The following CNTNAP2 variants were observed in gnomAD, a reference collection of about 807,000 sequenced individuals.
CNTNAP2 encodes the protein contactin associated protein 2.
A neutral mutation model predicts 155.2 loss-of-function variants in CNTNAP2; 98 were observed. The observed-to-expected ratio is 0.63, with a 90% CI of 0.54 to 0.75. CNTNAP2 has a LOEUF of 0.75. Ranked by LOEUF, CNTNAP2 falls within the 30% of genes least tolerant of loss-of-function variation. The probability of loss-of-function intolerance (pLI) is 0.00; values close to 1 mark genes in which losing one functional copy is unlikely to be tolerated. For synonymous variants in CNTNAP2, 651 were observed against 631.2 expected, an observed-to-expected ratio of 1.03 and a Z score of -0.47; for missense variants, 1,727 against 1,688.1, an observed-to-expected ratio of 1.02 and a Z score of -0.40.
chr7:146,937,215 G>A (rs901957134), intron 3 of CNTNAP2, among the ~76,000 whole-genome samples: 4 of 151,570 alleles, frequency 2.6e-5, no homozygotes, highest in South Asian at 4.2e-4. Context: ...GTGAAACCCC[G>A]TCTCTACTTA....
At chr7:146,801,252 C>G (rs1376289935) in intron 2 of CNTNAP2, among the ~76,000 whole-genome samples, 2 of 152,068 alleles carry the variant, frequency 1.3e-5, no homozygotes, top group Non-Finnish European at 2.9e-5. Context: ...AGAACTCACT[C>G]AGTACCAAGA....
intron 1 of CNTNAP2, among the ~76,000 whole-genome samples, chr7:146,676,048 T>C (rs1303303339): frequency 6.6e-6 from 1 of 152,178 alleles, no homozygotes; most frequent in African/African-American, 2.4e-5. Context: ...TTGCCCTTGA[T>C]AGGCTAAGCT....
chr7:146,923,859 A>T (rs1796553926), intron 3 of CNTNAP2, among the ~76,000 whole-genome samples: 1 of 152,000 alleles, frequency 6.6e-6, no homozygotes, highest in Non-Finnish European at 1.5e-5. Flanking sequence ...ATCACCTGGG[A>T]CTTGTTAGAA....
chr7:147,353,696 G>T (rs893518450), intron 9 of CNTNAP2, among the ~76,000 whole-genome samples: 1 of 151,896 alleles, frequency 6.6e-6, no homozygotes. Flanking sequence ...GGTATTTCTG[G>T]GTCTAGATCC....
chr7:147,395,890 A>ATTTCCACCTTACC, intron 10 of CNTNAP2, 110 bp downstream of exon 10: 1 of 1,234,318 alleles, frequency 8.1e-7, no homozygotes, highest in Non-Finnish European at 1.2e-6. Flanking sequence ...AAAACAGGTA[A>ATTTCCACCTTACC]GGTGGAAATT....
intron 3 of CNTNAP2, among the ~76,000 whole-genome samples, chr7:146,968,359 T>C (rs1385557624): frequency 6.6e-6 from 1 of 151,846 alleles, no homozygotes; most frequent in Non-Finnish European, 1.5e-5. Flanking sequence ...CTTTTTCTAT[T>C]GATTGGAATA....
In CNTNAP2 at chr7:147,436,422, T is replaced by C. The variant is rs1422173093; in HGVS notation, c.1670+40642T>C. Among the ~76,000 whole-genome samples, 5 of 152,278 alleles carry C rather than the reference T, an allele frequency of 3.3e-5. No homozygotes were observed. In the South Asian group the frequency reaches 6.2e-4, roughly 19 times the overall value. The stretch of plus-strand genomic sequence containing the variant: ...CAGAGTTATGAAAATCATGGCTAAC[T>C]ATAATATGGCCTGAGAAAATCCACT... On this transcript the variant is annotated intron_variant, in intron 10 of 23. Transcript: ENST00000361727.
At chr7:148,157,314 A>G (rs1805417451) in intron 17 of CNTNAP2, among the ~76,000 whole-genome samples, 1 of 152,172 alleles carries the variant, frequency 6.6e-6, no homozygotes, top group Non-Finnish European at 1.5e-5. Flanking sequence ...GATAGGGTCC[A>G]ATAACAACTG....
At chr7:147,445,838 A>G (rs368816716) in intron 10 of CNTNAP2, among the ~76,000 whole-genome samples, 2 of 151,770 alleles carry the variant, frequency 1.3e-5, no homozygotes, top group African/African-American at 4.8e-5. Flanking sequence ...TCTGTCACTC[A>G]GGCTAGAGTG....
intron 1 of CNTNAP2, among the ~76,000 whole-genome samples, chr7:146,640,698 C>A (rs1799689720): frequency 6.6e-6 from 1 of 152,178 alleles, no homozygotes; most frequent in Admixed American, 6.5e-5. Context: ...AGTATCCATG[C>A]AGTTGCACTA....
intron 15 of CNTNAP2, among the ~76,000 whole-genome samples, chr7:148,020,946 G>T (rs1052319487): frequency 8.5e-5 from 13 of 152,232 alleles, no homozygotes; most frequent in Non-Finnish European, 1.9e-4. Context: ...GCCACTTTGT[G>T]CTGACACCGT....
chr7:146,700,814 T>G (rs961236364), intron 1 of CNTNAP2, among the ~76,000 whole-genome samples: 1 of 152,098 alleles, frequency 6.6e-6, no homozygotes, highest in Non-Finnish European at 1.5e-5. Context: ...AAGTCCACGG[T>G]CCAGGGGGAG....
At chr7:146,734,666 A>G (rs901456175) in intron 1 of CNTNAP2, among the ~76,000 whole-genome samples, 1 of 152,222 alleles carries the variant, frequency 6.6e-6, no homozygotes, top group Non-Finnish European at 1.5e-5. Context: ...TACATAATGC[A>G]AGATATACTA....
chr7:146,896,538 T>C (rs1795881421), intron 3 of CNTNAP2, among the ~76,000 whole-genome samples: 1 of 152,176 alleles, frequency 6.6e-6, no homozygotes, highest in Middle Eastern at 3.2e-3. Flanking sequence ...CTATACTGTA[T>C]GTCTTTATAA....
At chr7:148,333,364 G>T (rs1489083933) in intron 21 of CNTNAP2, among the ~76,000 whole-genome samples, 9 of 151,552 alleles carry the variant, frequency 5.9e-5, no homozygotes, top group African/African-American at 2.2e-4. Flanking sequence ...GGAGGCAGAG[G>T]TTGCGGTGAG....
At chr7:146,504,715 T>C (rs780253458) in intron 1 of CNTNAP2, among the ~76,000 whole-genome samples, 2 of 152,164 alleles carry the variant, frequency 1.3e-5, no homozygotes, top group African/African-American at 2.4e-5. Flanking sequence ...CTTCCAGTTA[T>C]GTGGGCATCT....
rs79610939 is a variant in CNTNAP2, at chr7:147,725,238, G to C, written c.2098+85932G>C. ...TGTACTTAAAAAAAAGAAATCTTTTGAGAATTTAAACCCATTGTTTAATAG... is the reference window on the plus strand; with the variant it reads ...TGTACTTAAAAAAAAGAAATCTTTTCAGAATTTAAACCCATTGTTTAATAG... On this transcript the variant is annotated intron_variant, in intron 13 of 23. Coordinates refer to ENST00000361727, the MANE Select transcript of CNTNAP2 (RefSeq NM_014141.6). Among the ~76,000 whole-genome samples the C allele has an allele frequency of 9.8e-3, 1,483 of 151,964 alleles. 34 individuals carry two copies. Among genetic ancestry groups the C allele is most frequent in the African/African-American group, 0.034 (1,417 of 41,460 alleles).
chr7:146,509,351 G>C (rs897878259), intron 1 of CNTNAP2, among the ~76,000 whole-genome samples: 16 of 152,300 alleles, frequency 1.1e-4, no homozygotes, highest in African/African-American at 3.1e-4. Context: ...CATAATGGAG[G>C]CCAACTTTTC....
intron 9 of CNTNAP2, among the ~76,000 whole-genome samples, chr7:147,363,518 T>G (rs1290398350): frequency 6.6e-6 from 1 of 152,220 alleles, no homozygotes; most frequent in Admixed American, 6.5e-5. Flanking sequence ...GCATAATTTT[T>G]CTTGTACACA....
Sources: allele counts gnomAD v4.1 joint callset (sites outside exome capture counted in the v4.1 genomes callset), GRCh38; gene constraint gnomAD v4.1.1; transcripts MANE v1.5; gene names NCBI Gene and HGNC (gene_info 2026-07-23, HGNC 2026-07-21).